REV1: variants seen among roughly 807,000 people sequenced by gnomAD.
REV1 encodes translesion synthesis protein REV1.
Under a neutral mutation model 137.4 loss-of-function variants are expected in REV1, and 42 were observed. The observed-to-expected ratio is 0.31, with a 90% CI of 0.24 to 0.40. The LOEUF is 0.40. Ranked by LOEUF, REV1 falls within the 10% of genes least tolerant of loss-of-function variation. The pLI is 1.00. For synonymous variants in REV1, 524 were observed against 519.2 expected (o/e 1.01, Z -0.12); for missense variants, 1,282 against 1,490.1 (o/e 0.86, Z 2.30).
chr2:99,447,389 C>T (rs940894042), intron 4 of REV1, among the ~76,000 whole-genome samples: 1 of 152,130 alleles, frequency 6.6e-6, no homozygotes. Flanking sequence ...CCAGGATGTT[C>T]TCGATCTCTT....
At chr2:99,426,002 C>T (rs967129622) in intron 9 of REV1, among the ~76,000 whole-genome samples, 5 of 151,510 alleles carry the variant, frequency 3.3e-5, no homozygotes, top group African/African-American at 4.9e-5. Context: ...CGCCATTACA[C>T]TCCAGCCTGG....
At chr2:99,427,693 T>C (rs1679563979) in intron 9 of REV1, among the ~76,000 whole-genome samples, 1 of 152,140 alleles carries the variant, frequency 6.6e-6, no homozygotes, top group African/African-American at 2.4e-5. Context: ...CCAGAAACTA[T>C]TTTCTAGAAA....
At chr2:99,456,536 AG>A (rs1683558398) in intron 3 of REV1, among the ~76,000 whole-genome samples, 2 of 152,202 alleles carry the variant, frequency 1.3e-5, no homozygotes. Flanking sequence ...AGGAAGCAGA[AG>A]GAACTGCAAA....
At chr2:99,433,305 C>G (rs1223327554) in intron 8 of REV1, among the ~76,000 whole-genome samples, 2 of 152,116 alleles carry the variant, frequency 1.3e-5, no homozygotes, top group East Asian at 3.9e-4. Flanking sequence ...ACACAAAATT[C>G]TAGAATCTCA....
At position 99,434,356 on chromosome 2, in the gene REV1, T is replaced by C. The variant is rs1333959045; in HGVS notation, c.1414A>G (p.Asn472Asp). ...CCTGCTTTGCCTTTCAGGATTTTAT[T>C]CTGGTAATACTGCCACTCCAGCTGG... is the stretch of plus-strand genomic sequence containing the variant. ...NPQLEWQYYQ[N>D]KILKGKAADI... The change falls in exon 8 of 23, where the codon AAT (asparagine) becomes GAT (aspartate). Residue 472 changes from asparagine (N) to aspartate (D), a missense_variant. Transcript: ENST00000258428. 2 of 1,607,774 alleles carry C rather than the reference T, an allele frequency of 1.2e-6. No individual in the cohort carries two copies. Among genetic ancestry groups the C allele is most frequent in the Non-Finnish European group, 1.7e-6 (2 of 1,177,360 alleles).
intron 12 of REV1, among the ~76,000 whole-genome samples, chr2:99,415,912 T>C (rs574359224): frequency 4.1e-4 from 62 of 152,254 alleles, no homozygotes; most frequent in Non-Finnish European, 7.9e-4. Context: ...GTAATAGTCG[T>C]TGGGGTCAAT....
At chr2:99,461,531 G>GT (rs752944773) in intron 3 of REV1, among the ~76,000 whole-genome samples, 104 of 152,318 alleles carry the variant, frequency 6.8e-4, no homozygotes, top group Non-Finnish European at 1.3e-3. Context: ...AAGATAGCAG[G>GT]TATCAGCCAG....
Position 99,427,046 on chromosome 2 carries a change from G to A in REV1, c.1548-2766C>T, listed in dbSNP as rs565560071. 3.3e-5 allele frequency among the ~76,000 whole-genome samples: 5 copies of A among 152,242 alleles called. No individual in the cohort carries two copies. The South Asian group carries it at 1.0e-3, about 32-fold the overall frequency. ...AAAAATACAAAAATTAGCCAGGCGTGGTGGCGGGAGCAGTAATCCCAGCTA... is the reference window on the plus strand; with the variant it reads ...AAAAATACAAAAATTAGCCAGGCGTAGTGGCGGGAGCAGTAATCCCAGCTA... On this transcript the variant is annotated intron_variant, in intron 9 of 22. Transcript: ENST00000258428.
chr2:99,425,895 A>C (rs1197265725), intron 9 of REV1, among the ~76,000 whole-genome samples: 9 of 151,472 alleles, frequency 5.9e-5, no homozygotes, highest in African/African-American at 2.2e-4. Context: ...AATTAGCGAG[A>C]AGTGGTGGCG....
In REV1 at chr2:99,429,874, T is replaced by C. The variant is rs1465294027; in HGVS notation, c.1513A>G (p.Arg505Gly). Residue 505 changes from arginine (R) to glycine (G), a missense_variant, in exon 9 of 23, where the codon AGG becomes GGG. This residue lies in a region of REV1 where 432 missense variants were observed against 438.0 expected (regional missense o/e 0.99). Transcript: ENST00000258428. ...TAACTACAAGATGCAATTTCAGCCC[T>C]TGACAAAACAGAATCAATTCCATTT... The part of the protein sequence containing the change: ...QANGIDSVLS[R>G]AEIASCSYEA... 1.2e-6 allele frequency: 2 copies of C among 1,604,848 alleles called. No individual in the cohort carries two copies. Among genetic ancestry groups the C allele is most frequent in the Non-Finnish European group, 1.7e-6 (2 of 1,175,792 alleles).
At position 99,405,901 on chromosome 2, in the gene REV1, A is replaced by G; in HGVS notation, c.2811+9T>C. ...AAATGTACTTATATTTAGGACTACA[A>G]AAATGTACCTGGGAAGGTGACGGGA... On this transcript the variant is annotated intron_variant, in intron 17 of 22. Transcript: ENST00000258428. The G allele has an allele frequency of 2.0e-6, 3 of 1,520,176 alleles. No homozygotes were observed. The highest frequency in any genetic ancestry group is 2.7e-6 in the Non-Finnish European group (3 of 1,130,004). The allele number at this position is 1,520,176 out of a possible 1,614,324, so 94.2% of individuals were successfully genotyped here.
At chr2:99,452,499 T>C (rs538497007) in intron 3 of REV1, among the ~76,000 whole-genome samples, 6 of 151,978 alleles carry the variant, frequency 3.9e-5, no homozygotes, top group African/African-American at 1.2e-4. Flanking sequence ...ACATTAAACA[T>C]TGTGTGACAC....
Position 99,439,064 on chromosome 2 carries a change from G to T in REV1, c.750C>A (p.Ala250=), listed in dbSNP as rs150497880. The change falls in exon 6 of 23, where the codon GCC becomes GCA. Residue 250 remains alanine (A), a synonymous_variant. Coordinates refer to ENST00000258428, the MANE Select transcript of REV1 (RefSeq NM_016316.4). ...GGGAAAAGGCTGGAGAAAGCCTGCT[G>T]GCAACACTGTTGACCATGGGCACCA... The part of the protein sequence containing the change: ...DCLVPMVNSV[A]SRLSPAFSQE... 2.0e-5 allele frequency: 33 copies of T among 1,614,064 alleles called. No homozygotes were observed. The African/African-American group carries it at 3.2e-4, about 16-fold the overall frequency.
In REV1 at chr2:99,417,845, T is replaced by C. The variant is rs192188491; in HGVS notation, c.1951+983A>G. 5.3e-5 allele frequency among the ~76,000 whole-genome samples: 8 copies of C among 152,378 alleles called. No homozygotes were observed. In the East Asian group the frequency reaches 1.5e-3, roughly 29 times the overall value. On this transcript the variant is annotated intron_variant, in intron 12 of 22. Transcript: ENST00000258428. The stretch of plus-strand genomic sequence containing the variant: ...AGTTCCTTCTTATATAAAACTTCAG[T>C]AAGATTTCTTATTAAAAATGTTTAA...
intron 14 of REV1, among the ~76,000 whole-genome samples, chr2:99,410,101 C>T (rs1356939228): frequency 6.6e-6 from 1 of 151,966 alleles, no homozygotes; most frequent in Admixed American, 6.5e-5. Context: ...ACCTCTGCCT[C>T]CTGGGTTCAA....
intron 1 of REV1, among the ~76,000 whole-genome samples, chr2:99,467,244 T>C (rs149807917): frequency 6.9e-4 from 104 of 151,608 alleles, no homozygotes; most frequent in African/African-American, 2.3e-3. Context: ...AACACAGTTA[T>C]AATACAAAAA....
rs1222092698 is a variant in REV1, at chr2:99,422,421, T to C, written c.1677-768A>G. The stretch of plus-strand genomic sequence containing the variant: ...GAGGCCTCAGGATCAAAACTATGTC[T>C]TTCATAATCCACTTGGTAATGTAGA... On this transcript the variant is annotated intron_variant, in intron 10 of 22. Coordinates refer to ENST00000258428, the MANE Select transcript of REV1 (RefSeq NM_016316.4). Among the ~76,000 whole-genome samples the C allele has an allele frequency of 2.0e-5, 3 of 152,190 alleles. No homozygotes were observed. In the East Asian group the frequency reaches 5.8e-4, roughly 29 times the overall value.
At chr2:99,441,185 A>T (rs548167101) in intron 5 of REV1, among the ~76,000 whole-genome samples, 15 of 152,354 alleles carry the variant, frequency 9.8e-5, no homozygotes, top group East Asian at 5.8e-4. Flanking sequence ...CATTAAAAAA[A>T]ATTAAAAGCT....
intron 1 of REV1, among the ~76,000 whole-genome samples, chr2:99,482,724 CAG>C (rs1458516234): frequency 6.6e-6 from 1 of 152,134 alleles, no homozygotes; most frequent in Non-Finnish European, 1.5e-5. Flanking sequence ...TGGAATGACA[CAG>C]AGAAGATTAT....
Sources: gnomAD v4.1 joint callset for allele counts (sites outside exome capture counted in the v4.1 genomes callset) on GRCh38, gnomAD v4.1.1 for gene constraint, gnomAD v4.1.1 regional missense constraint, MANE v1.5 for transcripts, NCBI Gene and HGNC (gene_info 2026-07-23, HGNC 2026-07-21) for gene names.